SULT1A1: variants seen among roughly 807,000 people sequenced by gnomAD.
The protein encoded by SULT1A1 is sulfotransferase family 1A member 1, also known as sulfotransferase 1A1.
A neutral mutation model predicts 36.8 loss-of-function variants in SULT1A1; 35 were observed. That is an observed-to-expected ratio of 0.95 (90% CI 0.73 to 1.26). The LOEUF (loss-of-function observed/expected upper bound fraction) is 1.26, where lower values mean the gene tolerates loss of function less well. Among genes scored for constraint, SULT1A1 ranks in the 50% most tolerant of loss-of-function variants. SULT1A1 has a pLI of 0.00. For synonymous variants in SULT1A1, 119 were observed against 146.0 expected (o/e 0.82, Z 1.33); for missense variants, 309 against 383.0 (o/e 0.81, Z 1.61).
intron 1 of SULT1A1, chr16:28,623,108 A>AC: frequency 1.3e-6 from 1 of 795,780 alleles, no homozygotes; most frequent in Non-Finnish European, 1.7e-6. Flanking sequence ...CCCACCCCCC[A>AC]GGTTCCCCCC....
chr16:28,610,331 C>T, upstream of SULT1A1: 3 of 765,216 alleles, frequency 3.9e-6, no homozygotes, highest in Non-Finnish European at 5.4e-6. Context: ...CTGAACTCCA[C>T]CCTGCCAGGC....
chr16:28,609,537 G>A (rs1596639144), intron 1 of SULT1A1: 2 of 630,116 alleles, frequency 3.2e-6, no homozygotes, highest in East Asian at 1.3e-4. Flanking sequence ...GCTGAGGCCA[G>A]GAGTTGGAGA....
At chr16:28,610,262 CTG>C, upstream of SULT1A1, 24 of 239,640 alleles carry the variant, frequency 1.0e-4, no homozygotes, top group East Asian at 3.8e-4. Context: ...TTTTTTTTTT[CTG>C]TTTTTTTTTT....
upstream of SULT1A1, chr16:28,610,356 C>T (rs2047405892): frequency 1.6e-6 from 1 of 608,744 alleles, no homozygotes; most frequent in East Asian, 7.0e-5. Context: ...AACAGACAAG[C>T]TCTCTCTAAT....
At chr16:28,621,160 A>G (rs1045999440) in intron 1 of SULT1A1, among the ~76,000 whole-genome samples, 2 of 151,572 alleles carry the variant, frequency 1.3e-5, no homozygotes, top group African/African-American at 4.8e-5. Context: ...TAATTTCACT[A>G]GTTGTTTCCT....
chr16:28,623,045 T>C, intron 1 of SULT1A1: 2 of 1,496,514 alleles, frequency 1.3e-6, no homozygotes, highest in Non-Finnish European at 1.8e-6. Context: ...TGCAGCGCCC[T>C]CCCTCCAGCC....
At chr16:28,620,908 C>T (rs147865591) in intron 1 of SULT1A1, among the ~76,000 whole-genome samples, 1,931 of 151,932 alleles carry the variant, frequency 0.013, 100 homozygotes, top group Admixed American at 0.072. Context: ...GTCAGGAGTT[C>T]GAGACCAGCC....
chr16:28,621,748 G>C, intron 1 of SULT1A1, among the ~76,000 whole-genome samples: 1 of 151,982 alleles, frequency 6.6e-6, no homozygotes, highest in East Asian at 1.9e-4. Context: ...ACCCCGTCAG[G>C]CTTAAGACCC....
chr16:28,616,370 C>T (rs1596650586), intron 2 of SULT1A1, among the ~76,000 whole-genome samples: 1 of 152,138 alleles, frequency 6.6e-6, no homozygotes, highest in African/African-American at 2.4e-5. Flanking sequence ...GCCTCGGTGC[C>T]TGGGTGGCTT....
chr16:28,605,739 C>A lies in SULT1A1; in HGVS notation c.*82G>T, dbSNP rs1344818380. 88 of 1,595,048 alleles carry A rather than the reference C, an allele frequency of 5.5e-5. 4 individuals carry two copies. Among genetic ancestry groups the A allele is most frequent in the Non-Finnish European group, 6.3e-5 (74 of 1,168,840 alleles). On this transcript the variant is annotated 3_prime_UTR_variant, in exon 8 of 8. Transcript: ENST00000314752. ...TACAGACATGACCTACCGTCCCGGG[C>A]CCTCAATTCATATTTTATTCTTGAG...
At chr16:28,622,419 A>G (rs1270569989) in intron 1 of SULT1A1, among the ~76,000 whole-genome samples, 1 of 151,782 alleles carries the variant, frequency 6.6e-6, no homozygotes, top group East Asian at 1.9e-4. Flanking sequence ...CCCGGGTCGG[A>G]TTTTCTAAGG....
chr16:28,619,757 T>TATATATATATATCC (rs34217536), intron 2 of SULT1A1, among the ~76,000 whole-genome samples: 1 of 148,610 alleles, frequency 6.7e-6, no homozygotes, highest in Non-Finnish European at 1.5e-5. Context: ...TATACATATA[T>TATATATATATATCC]ATATATAGAC....
At chr16:28,610,317 G>T, upstream of SULT1A1, 1 of 850,990 alleles carries the variant, frequency 1.2e-6, no homozygotes, top group Non-Finnish European at 1.5e-6. Flanking sequence ...CTCCTGACCT[G>T]CCCCTGAACT....
upstream of SULT1A1, chr16:28,610,114 G>A: frequency 2.3e-6 from 3 of 1,283,840 alleles, no homozygotes; most frequent in Non-Finnish European, 3.0e-6. Flanking sequence ...TGGGGGTGGG[G>A]GAGCTTCTCC....
chr16:28,610,552 G>A (rs535897807), upstream of SULT1A1: 138 of 259,562 alleles, frequency 5.3e-4, no homozygotes, highest in South Asian at 1.1e-3. Context: ...CTAGAGGGAT[G>A]TGTGTGGGCA....
At chr16:28,609,633 C>T (rs1243437806) in intron 1 of SULT1A1, 2 of 385,062 alleles carry the variant, frequency 5.2e-6, no homozygotes, top group African/African-American at 4.1e-5. Flanking sequence ...TGATGAGGGC[C>T]TGTAGTCCTA....
rs775829949 is a variant in SULT1A1 at position 28,610,023 on chromosome 16, G to C, written c.-97C>G. The C allele has an allele frequency of 1.2e-5, 15 of 1,286,656 alleles. No individual in the cohort carries two copies. Among genetic ancestry groups the C allele is most frequent in the South Asian group, 8.7e-5 (7 of 80,862 alleles). The allele number at this position is 1,286,656 out of a possible 1,614,324, so 79.7% of individuals were successfully genotyped here. A position where few individuals can be genotyped will look rare whatever the true frequency, so the allele number is the denominator to read the frequency against. ...GGAATGCAGGGTTGTTCTCTGAGCT[G>C]AGGGTTTCCTAGGTCCACTGTGGGA... On this transcript the variant is annotated 5_prime_UTR_variant, in exon 1 of 8. Coordinates refer to ENST00000314752, the MANE Select transcript of SULT1A1 (RefSeq NM_001055.4).
chr16:28,609,776 A>T, intron 1 of SULT1A1, 155 bp downstream of exon 1: 1 of 892,152 alleles, frequency 1.1e-6, no homozygotes, highest in Non-Finnish European at 1.5e-6. Context: ...CAAACAAACA[A>T]GGGAAGGGAG....
rs41278156 is a variant in SULT1A1, at chr16:28,606,716, T to A, written c.594+45A>T. The A allele has an allele frequency of 1.0e-4, 162 of 1,601,852 alleles. 2 individuals are homozygous for A. In the Middle Eastern group the frequency reaches 1.5e-3, roughly 15 times the overall value. ...CCTTGGCGGGTCCCTGTGAGGTGCC[T>A]GCCCCCAGGAGTCACATGGAGGGAA... On this transcript the variant is annotated intron_variant, in intron 6 of 7. Coordinates refer to ENST00000314752, the MANE Select transcript of SULT1A1 (RefSeq NM_001055.4).
Sources: gnomAD v4.1 joint callset for allele counts (sites outside exome capture counted in the v4.1 genomes callset) on GRCh38, gnomAD v4.1.1 for gene constraint, MANE v1.5 for transcripts, NCBI Gene and HGNC (gene_info 2026-07-23, HGNC 2026-07-21) for gene names.